Variants in TANK observed in about 807,000 individuals in gnomAD.
TANK encodes TRAF family member-associated NF-kappa-B activator.
TANK carries 15 observed loss-of-function variants against 43.6 expected under a neutral mutation model. The observed-to-expected ratio is 0.34, with a 90% CI of 0.23 to 0.53. TANK has a LOEUF of 0.53. Among genes scored for constraint, TANK ranks in the 20% least tolerant of loss-of-function variants. TANK has a pLI of 0.94. For synonymous variants in TANK, 162 were observed against 178.2 expected (o/e 0.91, Z 0.73); for missense variants, 417 against 498.6 (o/e 0.84, Z 1.56).
intron 1 of TANK, among the ~76,000 whole-genome samples, chr2:161,140,326 G>T (rs975146275): frequency 1.3e-5 from 2 of 152,016 alleles, no homozygotes; most frequent in African/African-American, 2.4e-5. Flanking sequence ...TTTTCATGCA[G>T]CTTAGTTTAC....
chr2:161,158,499 C>T (rs1486659167), upstream of TANK, among the ~76,000 whole-genome samples: 1 of 152,222 alleles, frequency 6.6e-6, no homozygotes, highest in Non-Finnish European at 1.5e-5. Context: ...AAGACTACAA[C>T]ATCATGGAAG....
upstream of TANK, among the ~76,000 whole-genome samples, chr2:161,157,369 C>T (rs960589997): frequency 2.0e-5 from 3 of 152,234 alleles, no homozygotes; most frequent in Non-Finnish European, 4.4e-5. Flanking sequence ...GGCTTTGCAA[C>T]TGAGCACAGC....
rs115963058 is a variant in TANK at position 161,173,055 on chromosome 2, T to C, written c.-49-6559T>C. On this transcript the variant is annotated intron_variant, in intron 1 of 7. Coordinates refer to ENST00000392749, the MANE Select transcript of TANK (RefSeq NM_001199135.3). ...TCAACATGTTAAAGTCTAAATTTCT[T>C]AGAGTGACATTCGAGGTCTACTATA... 4.6e-3 allele frequency among the ~76,000 whole-genome samples: 705 copies of C among 152,240 alleles called. 2 individuals are homozygous for C. The highest frequency in any genetic ancestry group is 7.7e-3 in the Non-Finnish European group (526 of 68,004).
chr2:161,235,249 C>A, intron 7 of TANK, 93 bp from the exon 8 acceptor site: 1 of 1,080,460 alleles, frequency 9.3e-7, no homozygotes, highest in South Asian at 1.7e-5. Context: ...AATATATATG[C>A]CCATGCGTAA....
At position 161,224,656 on chromosome 2, in the gene TANK, G is replaced by C; in HGVS notation, c.430G>C (p.Asp144His). Residue 144 changes from aspartate (D) to histidine (H), a missense_variant, in exon 6 of 8, where the codon GAT becomes CAT. Coordinates refer to ENST00000392749, the MANE Select transcript of TANK (RefSeq NM_001199135.3). ...ERGNIEKTFWDLKEEFHKICM... is the reference protein window; with the variant it reads ...ERGNIEKTFWHLKEEFHKICM... ...GGGTAATATAGAGAAGACTTTCTGG[G>C]ATCTGAAAGAAGAATTTCATAAAAT... 1 of 1,580,364 alleles carries C rather than the reference G, an allele frequency of 6.3e-7. No homozygotes were observed. The highest frequency in any genetic ancestry group is 8.6e-7 in the Non-Finnish European group (1 of 1,162,284).
At chr2:161,173,345 C>T (rs1337138067) in intron 1 of TANK, among the ~76,000 whole-genome samples, 1 of 152,160 alleles carries the variant, frequency 6.6e-6, no homozygotes, top group Non-Finnish European at 1.5e-5. Flanking sequence ...AGGGCCTCTG[C>T]TCTTTCAGAA....
chr2:161,210,598 G>A (rs1686834979), intron 4 of TANK, among the ~76,000 whole-genome samples: 2 of 151,736 alleles, frequency 1.3e-5, no homozygotes, highest in African/African-American at 2.4e-5. Context: ...TTGAGAGGCT[G>A]AAGCAGGAGA....
chr2:161,154,151 A>T (rs1368459026), intron 1 of TANK, among the ~76,000 whole-genome samples: 1 of 152,238 alleles, frequency 6.6e-6, no homozygotes, highest in Non-Finnish European at 1.5e-5. Context: ...GCCCACAGCT[A>T]AGCCCACAGT....
intron 4 of TANK, among the ~76,000 whole-genome samples, chr2:161,220,319 T>A (rs942324598): frequency 1.3e-5 from 2 of 152,164 alleles, no homozygotes; most frequent in Non-Finnish European, 1.5e-5. Context: ...ATTCCATAAC[T>A]CAGCTGGGCG....
chr2:161,200,555 A>G (rs1449354145), intron 2 of TANK: 6 of 983,482 alleles, frequency 6.1e-6, no homozygotes, highest in Admixed American at 6.2e-5. Context: ...TTTTTTCTGA[A>G]TATGCATTTT....
At chr2:161,213,694 A>AT (rs201255345) in intron 4 of TANK, among the ~76,000 whole-genome samples, 1,873 of 92,934 alleles carry the variant, frequency 0.02, 17 homozygotes, top group South Asian at 0.07. Context: ...ACCTGCTGTT[A>AT]TTTTTTTTTT....
At chr2:161,213,340 C>A (rs542794300) in intron 4 of TANK, among the ~76,000 whole-genome samples, 4 of 152,166 alleles carry the variant, frequency 2.6e-5, no homozygotes, top group African/African-American at 4.8e-5. Context: ...CAGTGGCTCA[C>A]GCCTGTAATC....
intron 1 of TANK, among the ~76,000 whole-genome samples, chr2:161,175,261 C>G (rs528371610): frequency 6.6e-6 from 1 of 152,262 alleles, no homozygotes; most frequent in South Asian, 2.1e-4. Flanking sequence ...CCATAACACC[C>G]TGGGAGAGCA....
At chr2:161,195,262 G>A (rs1040371872) in intron 2 of TANK, among the ~76,000 whole-genome samples, 3 of 152,160 alleles carry the variant, frequency 2.0e-5, no homozygotes, top group Admixed American at 1.3e-4. Context: ...CTTGCTTCCT[G>A]CTTCATGGAA....
At position 161,219,728 on chromosome 2, in the gene TANK, A is replaced by T. The variant is rs186857641; in HGVS notation, c.328-4187A>T. The stretch of plus-strand genomic sequence containing the variant: ...TTCACTTTCTCCCTGATTCAGCTGT[A>T]TCCAGTGCTTGACTTCACTATAACA... On this transcript the variant is annotated intron_variant, in intron 4 of 7. Transcript: ENST00000392749. 2,899 of 465,114 alleles carry T rather than the reference A, an allele frequency of 6.2e-3. 35 individuals carry two copies. The highest frequency in any genetic ancestry group is 0.023 in the Middle Eastern group (70 of 3,066). 28.8% of individuals were successfully genotyped at this position (465,114 alleles called of 1,614,324 possible). A position where few individuals can be genotyped will look rare whatever the true frequency, so the allele number is the denominator to read the frequency against.
At chr2:161,200,592 G>A (rs1686359076) in intron 2 of TANK, 30 of 950,672 alleles carry the variant, frequency 3.2e-5, no homozygotes, top group Non-Finnish European at 3.5e-5. Flanking sequence ...TTTTCTAACG[G>A]TATAAGCTTC....
At chr2:161,202,182 CTTTTTTTTTTTTTTT>C (rs35913723) in intron 2 of TANK, among the ~76,000 whole-genome samples, 1 of 78,132 alleles carries the variant, frequency 1.3e-5, no homozygotes, top group African/African-American at 5.1e-5. Flanking sequence ...GCTCTAATTT[CTTTTTTTTTTTTTTT>C]TTTTTTTTTT....
intron 1 of TANK, among the ~76,000 whole-genome samples, chr2:161,144,092 T>C (rs183130468): frequency 6.6e-6 from 1 of 152,358 alleles, no homozygotes; most frequent in African/African-American, 2.4e-5. Context: ...TTCTAGCTTA[T>C]TTGCATAGAG....
chr2:161,220,621 T>A (rs921360990), intron 4 of TANK, among the ~76,000 whole-genome samples: 3 of 152,006 alleles, frequency 2.0e-5, no homozygotes, highest in Non-Finnish European at 4.4e-5. Context: ...GAAAAAAAAA[T>A]TCTGTAACTC....
Sources: gnomAD v4.1 joint callset for allele counts (sites outside exome capture counted in the v4.1 genomes callset) on GRCh38, gnomAD v4.1.1 for gene constraint, MANE v1.5 for transcripts, NCBI Gene and HGNC (gene_info 2026-07-23, HGNC 2026-07-21) for gene names.